The following GUCY1B1 variants were observed in gnomAD, a reference collection of about 807,000 sequenced individuals.
GUCY1B1 encodes guanylate cyclase 1 soluble subunit beta 1, also known as guanylate cyclase soluble subunit beta-1.
GUCY1B1 carries 43 observed loss-of-function variants against 71.0 expected under a neutral mutation model. The observed-to-expected ratio is 0.61, with a 90% CI of 0.47 to 0.78. The LOEUF (loss-of-function observed/expected upper bound fraction) is 0.78, where lower values mean the gene tolerates loss of function less well. GUCY1B1 is among the 30% of genes least tolerant of loss of function. The pLI is 0.00. For missense variants in GUCY1B1, 535 were observed against 754.1 expected, an observed-to-expected ratio of 0.71 and a Z score of 3.40; for synonymous variants, 266 against 259.7, an observed-to-expected ratio of 1.02 and a Z score of -0.23.
chr4:155,761,699 C>T (rs1737007893), intron 2 of GUCY1B1, among the ~76,000 whole-genome samples: 1 of 152,156 alleles, frequency 6.6e-6, no homozygotes, highest in African/African-American at 2.4e-5. Context: ...GAATTTAACT[C>T]TGCAAAATCA....
intron 4 of GUCY1B1, chr4:155,785,222 ACT>A (rs1162834913): frequency 1.3e-6 from 1 of 778,444 alleles, no homozygotes; most frequent in Non-Finnish European, 2.1e-6. Flanking sequence ...GAATGGACCT[ACT>A]CTCTATATTT....
At chr4:155,777,475 T>C in intron 3 of GUCY1B1, 49 bp from the exon 4 acceptor site, 1 of 926,868 alleles carries the variant, frequency 1.1e-6, no homozygotes. Flanking sequence ...CTATTAACAA[T>C]ATTTCACCTA....
rs542356661 is a variant in GUCY1B1, at chr4:155,779,751, A to G, written c.297+2109A>G. ...TGGACTTTTTCTGTGTGACTATAAA[A>G]CAAAATCATTAACTTTCATACATTG... On this transcript the variant is annotated intron_variant, in intron 4 of 13. Coordinates refer to ENST00000264424, the MANE Select transcript of GUCY1B1 (RefSeq NM_000857.5). Among the ~76,000 whole-genome samples the G allele has an allele frequency of 5.1e-4, 78 of 152,332 alleles. No homozygotes were observed. In the South Asian group the frequency reaches 0.016, roughly 32 times the overall value.
At chr4:155,765,992 G>T (rs1455940965) in intron 2 of GUCY1B1, among the ~76,000 whole-genome samples, 1 of 152,008 alleles carries the variant, frequency 6.6e-6, no homozygotes, top group Non-Finnish European at 1.5e-5. Flanking sequence ...CTTAGTATTT[G>T]TACTACTGAT....
chr4:155,795,151 G>T (rs1037918233), intron 6 of GUCY1B1, among the ~76,000 whole-genome samples, 190 bp from the exon 7 acceptor site: 1 of 152,004 alleles, frequency 6.6e-6, no homozygotes, highest in Non-Finnish European at 1.5e-5. Context: ...ACTATTTAAT[G>T]TCCATTTAAT....
At chr4:155,775,615 A>G (rs1413087006) in intron 3 of GUCY1B1, among the ~76,000 whole-genome samples, 1 of 152,180 alleles carries the variant, frequency 6.6e-6, no homozygotes, top group East Asian at 1.9e-4. Context: ...CTCCCCCAAC[A>G]GAAAGCCATG....
At chr4:155,763,555 A>AT (rs1737141549) in intron 2 of GUCY1B1, among the ~76,000 whole-genome samples, 1 of 151,978 alleles carries the variant, frequency 6.6e-6, no homozygotes. Flanking sequence ...CAAAAAAAAA[A>AT]TTCTAGAGAT....
intron 5 of GUCY1B1, among the ~76,000 whole-genome samples, chr4:155,792,624 C>T (rs1461582834): frequency 1.3e-5 from 2 of 149,736 alleles, no homozygotes; most frequent in Non-Finnish European, 3.0e-5. Context: ...GCAGAGAATG[C>T]GACAGGGTAC....
chr4:155,767,868 TC>T (rs140493750), intron 2 of GUCY1B1, among the ~76,000 whole-genome samples: 5,643 of 152,236 alleles, frequency 0.037, 142 homozygotes, highest in Non-Finnish European at 0.057. Flanking sequence ...ATAGTTACTA[TC>T]CACAGTTTAT....
chr4:155,775,956 CA>C (rs1455096074), intron 3 of GUCY1B1, among the ~76,000 whole-genome samples: 1 of 152,098 alleles, frequency 6.6e-6, no homozygotes, highest in African/African-American at 2.4e-5. Flanking sequence ...ACTAGGAAAG[CA>C]AACACTATCT....
chr4:155,761,037 T>C (rs1049986958), intron 2 of GUCY1B1, among the ~76,000 whole-genome samples: 1 of 152,246 alleles, frequency 6.6e-6, no homozygotes, highest in African/African-American at 2.4e-5. Context: ...GTAACTTTTC[T>C]TTCCCCTGGA....
At chr4:155,784,026 G>A (rs1178107083) in intron 4 of GUCY1B1, among the ~76,000 whole-genome samples, 1 of 152,082 alleles carries the variant, frequency 6.6e-6, no homozygotes, top group African/African-American at 2.4e-5. Context: ...ATTGTTACAT[G>A]TAGTATTATA....
intron 2 of GUCY1B1, among the ~76,000 whole-genome samples, chr4:155,773,596 C>A (rs1737834976): frequency 6.6e-6 from 1 of 152,162 alleles, no homozygotes; most frequent in Non-Finnish European, 1.5e-5. Context: ...GACCCCTTGT[C>A]CGCCTCCAAC....
In GUCY1B1 at chr4:155,802,712, C is replaced by G; in HGVS notation, c.1413+133C>G. The stretch of plus-strand genomic sequence containing the variant: ...TGAGTACAGTGAGCCTCCATGTATT[C>G]ACTCTTTACCATGTTCTTAAATAAT... On this transcript the variant is annotated intron_variant, in intron 10 of 13. Transcript: ENST00000264424. The surrounding 1 kb of genome is among the most constrained non-coding windows in gnomAD (Gnocchi z 4.3). 1 of 661,954 alleles carries G rather than the reference C, an allele frequency of 1.5e-6. No individual in the cohort carries two copies. The highest frequency in any genetic ancestry group is 2.8e-5 in the East Asian group (1 of 35,646). The allele number at this position is 661,954 out of a possible 1,614,324, so 41.0% of individuals were successfully genotyped here. A position where few individuals can be genotyped will look rare whatever the true frequency, so the allele number is the denominator to read the frequency against.
At chr4:155,793,209 T>C (rs1205821681) in intron 5 of GUCY1B1, among the ~76,000 whole-genome samples, 2 of 152,092 alleles carry the variant, frequency 1.3e-5, no homozygotes, top group East Asian at 1.9e-4. Flanking sequence ...CCCGAGTAGC[T>C]GGGATTATAG....
Position 155,794,008 on chromosome 4 carries a change from T to C in GUCY1B1, c.648T>C (p.Ala216=), listed in dbSNP as rs1432499131. The stretch of plus-strand genomic sequence containing the variant: ...TCAGCCCATATACATTCTGCAAAGC[T>C]TTTCCTTTTCATATAATATTTGACC... ...SRISPYTFCK[A]FPFHIIFDRD... is the part of the protein sequence containing the mutation. Residue 216 remains alanine (A), a synonymous_variant, in exon 6 of 14, where the codon GCT becomes GCC. Transcript: ENST00000264424. 1 of 1,613,078 alleles carries C rather than the reference T, an allele frequency of 6.2e-7. No individual in the cohort carries two copies. Among genetic ancestry groups the C allele is most frequent in the East Asian group, 2.2e-5 (1 of 44,854 alleles).
chr4:155,788,334 C>T (rs1033419083), intron 4 of GUCY1B1, among the ~76,000 whole-genome samples: 20 of 152,310 alleles, frequency 1.3e-4, no homozygotes, highest in African/African-American at 4.6e-4. Flanking sequence ...AGACCTCTCT[C>T]CAGTCCTTCA....
chr4:155,789,689 G>T (rs1445729279), intron 4 of GUCY1B1, 25 bp from the exon 5 acceptor site: 3 of 1,394,036 alleles, frequency 2.2e-6, no homozygotes, highest in Non-Finnish European at 3.0e-6. Flanking sequence ...ATTGTTTATT[G>T]GTCTCCCTTT....
At chr4:155,797,202 A>G (rs1358093998) in intron 8 of GUCY1B1, among the ~76,000 whole-genome samples, 1 of 152,168 alleles carries the variant, frequency 6.6e-6, no homozygotes, top group Non-Finnish European at 1.5e-5. Flanking sequence ...TTGTGAGATG[A>G]TATTCTGTGT....
Sources: gnomAD v4.1 joint callset for allele counts (sites outside exome capture counted in the v4.1 genomes callset) on GRCh38, gnomAD v4.1.1 for gene constraint, Gnocchi (gnomAD v3.1) non-coding constraint, MANE v1.5 for transcripts, NCBI Gene and HGNC (gene_info 2026-07-23, HGNC 2026-07-21) for gene names.